Variants in EIF5 observed in about 807,000 individuals in gnomAD.
The protein encoded by EIF5 is eukaryotic translation initiation factor 5.
Under a neutral mutation model 48.3 loss-of-function variants are expected in EIF5, and 10 were observed. That is an observed-to-expected ratio of 0.21 (90% CI 0.13 to 0.35). The LOEUF is 0.35. Among genes scored for constraint, EIF5 ranks in the 10% least tolerant of loss-of-function variants. The pLI, the probability that EIF5 is intolerant of heterozygous loss-of-function variation, is 1.00. For synonymous variants in EIF5, 237 were observed against 173.1 expected (o/e 1.37, Z -2.90); for missense variants, 397 against 533.2 (o/e 0.74, Z 2.51).
chr14:103,336,987 CTT>C, intron 5 of EIF5, 127 bp from the exon 6 acceptor site: 1 of 1,372,122 alleles, frequency 7.3e-7, no homozygotes. Context: ...TATTTCCATT[CTT>C]TTTTTTAAAG....
In EIF5 at chr14:103,338,125, C is replaced by T. The variant is rs573534091; in HGVS notation, c.440-202C>T. The T allele has an allele frequency of 6.5e-6, 5 of 763,660 alleles. No homozygotes were observed. In the South Asian group the frequency reaches 6.8e-5, roughly 10 times the overall value. 47.3% of individuals were successfully genotyped at this position (763,660 alleles called of 1,614,324 possible). On this transcript the variant is annotated intron_variant, in intron 6 of 11. Coordinates refer to ENST00000216554, the MANE Select transcript of EIF5 (RefSeq NM_001969.5). The stretch of plus-strand genomic sequence containing the variant: ...ACAATACCCCTAATATTTTGTGTCA[C>T]TCCATTCTTAGACTAACATTCTTAC...
At chr14:103,337,272 T>G (rs2089298111) in intron 6 of EIF5, 45 bp downstream of exon 6, 1 of 1,502,704 alleles carries the variant, frequency 6.7e-7, no homozygotes, top group African/African-American at 1.4e-5. Context: ...GATAAGTTAC[T>G]AACTGTTGGG....
intron 2 of EIF5, 127 bp downstream of exon 2, chr14:103,334,724 G>C (rs867329665): frequency 7.0e-6 from 1 of 143,442 alleles, no homozygotes; most frequent in Non-Finnish European, 1.5e-5. Flanking sequence ...CCGGGCGCCG[G>C]CCGCCCCCTC....
Position 103,340,946 on chromosome 14 carries a change from ATCAT to A in EIF5, c.1207-14_1207-11del. 6.2e-7 allele frequency: 1 copy of A among 1,611,128 alleles called. No individual in the cohort carries two copies. Among genetic ancestry groups the A allele is most frequent in the Non-Finnish European group, 8.5e-7 (1 of 1,177,342 alleles). ...GATTTATCAGCTTATGTTGAATAAA[ATCAT>A]TCCTCTTAACAGGTGGTGTATTCGA... is the stretch of plus-strand genomic sequence containing the variant. On this transcript the variant is annotated splice_polypyrimidine_tract_variant and intron_variant, in intron 11 of 11. Coordinates refer to ENST00000216554, the MANE Select transcript of EIF5 (RefSeq NM_001969.5).
intron 9 of EIF5, 93 bp downstream of exon 9, chr14:103,339,426 TGAAAGTGGG>T (rs1343401725): frequency 2.0e-6 from 3 of 1,496,738 alleles, no homozygotes; most frequent in Admixed American, 2.2e-5. Flanking sequence ...CTGTCATGCT[TGAAAGTGGG>T]GAAATTGACC....
chr14:103,335,787 T>C lies in EIF5; in HGVS notation c.-74T>C. ...CAGTCGTTTATGTCATCCCTTCTTC[T>C]CCAGACAGAAGATACCAAAAAGTTG... is the stretch of plus-strand genomic sequence containing the variant. On this transcript the variant is annotated 5_prime_UTR_variant, in exon 3 of 12. Transcript: ENST00000216554. The C allele has an allele frequency of 6.5e-7, 1 of 1,543,048 alleles. No homozygotes were observed. The highest frequency in any genetic ancestry group is 1.7e-5 in the Admixed American group (1 of 59,264).
intron 6 of EIF5, chr14:103,337,574 C>T (rs2089302334): frequency 3.0e-6 from 1 of 335,308 alleles, no homozygotes; most frequent in Non-Finnish European, 5.6e-6. Context: ...TGCACTCCAG[C>T]TTGGGCAACA....
In EIF5 at chr14:103,335,720, C is replaced by T; in HGVS notation, c.-141C>T. 1 of 832,108 alleles carries T rather than the reference C, an allele frequency of 1.2e-6. No individual in the cohort carries two copies. The highest frequency in any genetic ancestry group is 2.0e-6 in the Non-Finnish European group (1 of 511,446). 51.5% of individuals were successfully genotyped at this position (832,108 alleles called of 1,614,324 possible). On this transcript the variant is annotated 5_prime_UTR_variant, in exon 3 of 12. Transcript: ENST00000216554. ...CATACAAGCAAGAAGCTTACAGCCT[C>T]AGTGGCGAAAATTTTTTCATGTCAG... is the stretch of plus-strand genomic sequence containing the variant.
At chr14:103,337,081 T>C in intron 5 of EIF5, 35 bp from the exon 6 acceptor site, 1 of 1,573,978 alleles carries the variant, frequency 6.4e-7, no homozygotes, top group Non-Finnish European at 8.7e-7. Flanking sequence ...ATTTTCATGT[T>C]ATATTATGGA....
rs1243073751 is a variant in EIF5, at chr14:103,343,170, T to C, written c.*2118T>C. 1 of 152,642 alleles carries C rather than the reference T, an allele frequency of 6.6e-6. No homozygotes were observed. The highest frequency in any genetic ancestry group is 1.5e-5 in the Non-Finnish European group (1 of 68,028). 9.5% of individuals were successfully genotyped at this position (152,642 alleles called of 1,614,324 possible). On this transcript the variant is annotated 3_prime_UTR_variant, in exon 12 of 12. Coordinates refer to ENST00000216554, the MANE Select transcript of EIF5 (RefSeq NM_001969.5). Reference sequence around the variant, plus strand: ...CTTGATTAAAATAATGATAAAATTGTATTTTGTCTTTGCTTTAATATTAAA... The same window carrying C: ...CTTGATTAAAATAATGATAAAATTGCATTTTGTCTTTGCTTTAATATTAAA...
chr14:103,339,061 A>G lies in EIF5; in HGVS notation c.745-111A>G, dbSNP rs898330731. The G allele has an allele frequency of 1.0e-5, 15 of 1,486,472 alleles. No homozygotes were observed. The South Asian group carries it at 1.4e-4, about 13-fold the overall frequency. The allele number at this position is 1,486,472 out of a possible 1,614,324, so 92.1% of individuals were successfully genotyped here. A position where few individuals can be genotyped will look rare whatever the true frequency, so the allele number is the denominator to read the frequency against. On this transcript the variant is annotated intron_variant, in intron 8 of 11. Transcript: ENST00000216554. ...GTGATTCCAGGCACTATGTGTCACA[A>G]CTGCCAAATTAGGCAGGAAAAATAT...
chr14:103,339,952 G>A (rs959279754), intron 10 of EIF5, 149 bp downstream of exon 10: 17 of 906,538 alleles, frequency 1.9e-5, no homozygotes, highest in South Asian at 1.5e-4. Flanking sequence ...TCCACGTCCC[G>A]GCTTCAAGTG....
In EIF5 at chr14:103,341,200, T is replaced by C; in HGVS notation, c.*148T>C. ...AAAATCTATTACTGTGAGTGGTCTG[T>C]TATTAAGCCCAATGAGACATCTAGG... On this transcript the variant is annotated 3_prime_UTR_variant, in exon 12 of 12. Transcript: ENST00000216554. 1.5e-6 allele frequency: 1 copy of C among 677,734 alleles called. No individual in the cohort carries two copies. Among genetic ancestry groups the C allele is most frequent in the Non-Finnish European group, 2.6e-6 (1 of 388,026 alleles). The allele number at this position is 677,734 out of a possible 1,614,324, so 42.0% of individuals were successfully genotyped here.
rs1251990377 is a variant in EIF5, at chr14:103,345,014, T to C, written c.*3962T>C. The C allele has an allele frequency of 6.6e-6, 1 of 152,192 alleles. No homozygotes were observed. The highest frequency in any genetic ancestry group is 2.4e-5 in the African/African-American group (1 of 41,448). 9.4% of individuals were successfully genotyped at this position (152,192 alleles called of 1,614,324 possible). A position where few individuals can be genotyped will look rare whatever the true frequency, so the allele number is the denominator to read the frequency against. On this transcript the variant is annotated 3_prime_UTR_variant, in exon 12 of 12. Transcript: ENST00000216554. ...AGTAGATTTTAATAAAGTGTGAAAGTTGTCAATCAAAGCGGAGTCACTTGT... is the reference window on the plus strand; with the variant it reads ...AGTAGATTTTAATAAAGTGTGAAAGCTGTCAATCAAAGCGGAGTCACTTGT...
Position 103,340,959 on chromosome 14 carries a change from A to C in EIF5, c.1207-4A>C. The stretch of plus-strand genomic sequence containing the variant: ...ATGTTGAATAAAATCATTCCTCTTA[A>C]CAGGTGGTGTATTCGAAGGCTGCCA... On this transcript the variant is annotated splice_region_variant and splice_polypyrimidine_tract_variant and intron_variant, in intron 11 of 11. Coordinates refer to ENST00000216554, the MANE Select transcript of EIF5 (RefSeq NM_001969.5). 6.2e-7 allele frequency: 1 copy of C among 1,613,240 alleles called. No individual in the cohort carries two copies. The highest frequency in any genetic ancestry group is 1.3e-5 in the African/African-American group (1 of 75,030).
rs2089386713 is a variant in EIF5, at chr14:103,344,231, G to A, written c.*3179G>A. The stretch of plus-strand genomic sequence containing the variant: ...CTTTGTTAATAGGTTGGGAGCTCAG[G>A]GTGTTTATGTCCACCTGTCTGGTCT... On this transcript the variant is annotated 3_prime_UTR_variant, in exon 12 of 12. Transcript: ENST00000216554. The A allele has an allele frequency of 6.6e-6, 1 of 152,122 alleles. No individual in the cohort carries two copies. The highest frequency in any genetic ancestry group is 2.1e-4 in the South Asian group (1 of 4,828). 9.4% of individuals were successfully genotyped at this position (152,122 alleles called of 1,614,324 possible).
Position 103,341,206 on chromosome 14 carries a change from A to T in EIF5, c.*154A>T. Reference sequence around the variant, plus strand: ...TATTACTGTGAGTGGTCTGTTATTAAGCCCAATGAGACATCTAGGGAGTCC... The same window carrying T: ...TATTACTGTGAGTGGTCTGTTATTATGCCCAATGAGACATCTAGGGAGTCC... On this transcript the variant is annotated 3_prime_UTR_variant, in exon 12 of 12. Coordinates refer to ENST00000216554, the MANE Select transcript of EIF5 (RefSeq NM_001969.5). The T allele has an allele frequency of 1.5e-6, 1 of 649,898 alleles. No homozygotes were observed. Among genetic ancestry groups the T allele is most frequent in the South Asian group, 1.8e-5 (1 of 56,250 alleles). 40.3% of individuals were successfully genotyped at this position (649,898 alleles called of 1,614,324 possible).
chr14:103,338,991 T>G, intron 8 of EIF5, 98 bp downstream of exon 8: 1 of 1,510,230 alleles, frequency 6.6e-7, no homozygotes. Context: ...ATTACTCTAA[T>G]GCACGACTTT....
chr14:103,337,107 T>G lies in EIF5; in HGVS notation c.328-9T>G. The G allele has an allele frequency of 6.2e-7, 1 of 1,606,042 alleles. No homozygotes were observed. Among genetic ancestry groups the G allele is most frequent in the African/African-American group, 1.3e-5 (1 of 74,602 alleles). On this transcript the variant is annotated splice_polypyrimidine_tract_variant and intron_variant, in intron 5 of 11. Transcript: ENST00000216554. ...ATATTATGGATAACATTTGTTATTT[T>G]TTTGGCAGCATGTCAATCCAAAGAA...
Sources: gnomAD v4.1 joint callset for allele counts on GRCh38, gnomAD v4.1.1 for gene constraint, MANE v1.5 for transcripts, NCBI Gene and HGNC (gene_info 2026-07-23, HGNC 2026-07-21) for gene names.